SPMAP2L: variants seen among roughly 807,000 people sequenced by gnomAD.
SPMAP2L encodes the protein sperm microtubule associated protein 2 like.
chr4:56,595,183 C>G, the SPMAP2L span: 3 of 1,611,454 alleles, frequency 1.9e-6, no homozygotes, highest in Non-Finnish European at 2.5e-6. Context: ...CATGGCCAAG[C>G]GATTAGAAAA....
At chr4:56,595,019 T>G in the SPMAP2L span, 13 of 1,607,212 alleles carry the variant, frequency 8.1e-6, no homozygotes, top group Non-Finnish European at 1.1e-5. Context: ...ATCATTTCAC[T>G]AAAGCGGAAT....
chr4:56,574,245 C>G, the SPMAP2L span, among the ~76,000 whole-genome samples: 1 of 151,968 alleles, frequency 6.6e-6, no homozygotes, highest in Non-Finnish European at 1.5e-5. Flanking sequence ...TATAGCGAGC[C>G]CCCATCCGTA....
chr4:56,532,316 C>A, the SPMAP2L span, among the ~76,000 whole-genome samples: 41 of 152,088 alleles, frequency 2.7e-4, no homozygotes, highest in Non-Finnish European at 5.1e-4. Context: ...TTGCTTTACC[C>A]GCATCTGTAC....
chr4:56,582,966 A>G, the SPMAP2L span, among the ~76,000 whole-genome samples: 3 of 152,208 alleles, frequency 2.0e-5, no homozygotes, highest in Non-Finnish European at 4.4e-5. Flanking sequence ...ACATATTTGT[A>G]TCAGTCTATT....
chr4:56,603,789 T>A, the SPMAP2L span, among the ~76,000 whole-genome samples: 45 of 152,334 alleles, frequency 3.0e-4, no homozygotes, highest in African/African-American at 1.1e-3. Context: ...GAAAAAACAC[T>A]GAAAAAGTGA....
the SPMAP2L span, among the ~76,000 whole-genome samples, chr4:56,535,028 C>G: frequency 7.2e-5 from 11 of 152,188 alleles, no homozygotes; most frequent in Admixed American, 2.0e-4. Flanking sequence ...CTCATTGTTT[C>G]CCATTTCAGC....
chr4:56,579,878 T>C, the SPMAP2L span, among the ~76,000 whole-genome samples: 1 of 152,186 alleles, frequency 6.6e-6, no homozygotes, highest in African/African-American at 2.4e-5. Flanking sequence ...CTACTGAATC[T>C]GAGTCAAGAA....
At chr4:56,564,986 C>G in the SPMAP2L span, among the ~76,000 whole-genome samples, 1 of 152,022 alleles carries the variant, frequency 6.6e-6, no homozygotes, top group African/African-American at 2.4e-5. Flanking sequence ...AGATGTCTTC[C>G]TATTGGTTTC....
chr4:56,550,443 C>T, the SPMAP2L span, among the ~76,000 whole-genome samples: 392 of 151,970 alleles, frequency 2.6e-3, 2 homozygotes, highest in African/African-American at 9.0e-3. Flanking sequence ...TAGATTTTAC[C>T]GAGAGAAAAT....
the SPMAP2L span, among the ~76,000 whole-genome samples, chr4:56,619,578 G>T: frequency 1.3e-5 from 2 of 152,162 alleles, no homozygotes; most frequent in African/African-American, 2.4e-5. Flanking sequence ...TTCCTTCTTT[G>T]TTAAGGCTGA....
the SPMAP2L span, among the ~76,000 whole-genome samples, chr4:56,585,048 C>A: frequency 6.6e-6 from 1 of 152,164 alleles, no homozygotes; most frequent in Non-Finnish European, 1.5e-5. Context: ...ATTCTAATAG[C>A]AAGGGAGGCT....
the SPMAP2L span, among the ~76,000 whole-genome samples, chr4:56,618,959 C>T: frequency 6.6e-6 from 1 of 152,158 alleles, no homozygotes; most frequent in Non-Finnish European, 1.5e-5. Context: ...TTATCTGCTT[C>T]CTGTTTTTGT....
chr4:56,564,384 C>T, the SPMAP2L span, among the ~76,000 whole-genome samples: 1 of 152,184 alleles, frequency 6.6e-6, no homozygotes, highest in African/African-American at 2.4e-5. Flanking sequence ...AAGTGATCCA[C>T]CCACCTTGGC....
At chr4:56,594,990 G>A in the SPMAP2L span, 3,360 of 1,607,832 alleles carry the variant, frequency 2.1e-3, 6 homozygotes, top group Non-Finnish European at 2.6e-3. Context: ...ACCTTGCCCC[G>A]TTTTTGCCCA....
the SPMAP2L span, among the ~76,000 whole-genome samples, chr4:56,606,907 C>A: frequency 6.6e-6 from 1 of 151,968 alleles, no homozygotes; most frequent in Non-Finnish European, 1.5e-5. Flanking sequence ...TTATTTAGTA[C>A]GTCATTTTAA....
the SPMAP2L span, among the ~76,000 whole-genome samples, chr4:56,587,524 C>T: frequency 3.0e-3 from 446 of 148,712 alleles, 4 homozygotes; most frequent in African/African-American, 0.01. Context: ...TATGCCTTTG[C>T]GTCCTCATAG....
the SPMAP2L span, among the ~76,000 whole-genome samples, chr4:56,531,956 C>G: frequency 2.0e-5 from 3 of 152,222 alleles, no homozygotes; most frequent in Non-Finnish European, 2.9e-5. Context: ...CATTGGCTCT[C>G]TGGTTATCCA....
chr4:56,571,811 C>T, the SPMAP2L span, among the ~76,000 whole-genome samples: 1 of 152,136 alleles, frequency 6.6e-6, no homozygotes, highest in Non-Finnish European at 1.5e-5. Flanking sequence ...TCACACTGCT[C>T]TCCAGCCTGG....
the SPMAP2L span, among the ~76,000 whole-genome samples, chr4:56,586,908 TA>T: frequency 4.0e-5 from 6 of 151,820 alleles, no homozygotes; most frequent in African/African-American, 7.3e-5. Flanking sequence ...TATAGGCACT[TA>T]AAAAAAACTG....
Sources: allele counts gnomAD v4.1 joint callset (sites outside exome capture counted in the v4.1 genomes callset), GRCh38; gene constraint gnomAD v4.1.1; transcripts MANE v1.5; gene names NCBI Gene and HGNC (gene_info 2026-07-23, HGNC 2026-07-21).